The following FAM163B variants were observed in gnomAD, a reference collection of about 807,000 sequenced individuals.
The protein encoded by FAM163B is family with sequence similarity 163 member B, also known as protein FAM163B.
FAM163B carries 4 observed loss-of-function variants against 7.6 expected under a neutral mutation model. The observed-to-expected ratio is 0.52, with a 90% CI of 0.26 to 1.20. The LOEUF is 1.20. Among genes scored for constraint, FAM163B ranks in the 50% most tolerant of loss-of-function variants. The probability of loss-of-function intolerance (pLI) is 0.14; values close to 1 mark genes in which losing one functional copy is unlikely to be tolerated. For synonymous variants in FAM163B, 120 were observed against 111.6 expected (o/e 1.07, Z -0.47); for missense variants, 250 against 243.0 (o/e 1.03, Z -0.19).
intron 1 of FAM163B, among the ~76,000 whole-genome samples, chr9:133,597,856 G>C (rs1247421468): frequency 6.6e-6 from 1 of 152,004 alleles, no homozygotes; most frequent in Non-Finnish European, 1.5e-5. Flanking sequence ...AAAAAAGAAG[G>C]CCGTCAACCT....
At chr9:133,580,372 G>T in intron 1 of FAM163B, 126 bp from the exon 2 acceptor site, 1 of 734,756 alleles carries the variant, frequency 1.4e-6, no homozygotes. Flanking sequence ...CCTGTGAGAG[G>T]CAGGGGCTCT....
chr9:133,598,387 T>C (rs1241533460), intron 1 of FAM163B, among the ~76,000 whole-genome samples: 1 of 149,122 alleles, frequency 6.7e-6, no homozygotes, highest in Non-Finnish European at 1.5e-5. Context: ...CACAGGAGTG[T>C]GAAACAAAAG....
intron 1 of FAM163B, among the ~76,000 whole-genome samples, chr9:133,592,744 A>C (rs997751029): frequency 2.0e-5 from 3 of 152,166 alleles, no homozygotes; most frequent in Non-Finnish European, 4.4e-5. Flanking sequence ...AGCTTGTTAA[A>C]ATGCAGAGTT....
chr9:133,592,301 A>C (rs1831564682), intron 1 of FAM163B, among the ~76,000 whole-genome samples: 1 of 152,148 alleles, frequency 6.6e-6, no homozygotes, highest in Non-Finnish European at 1.5e-5. Flanking sequence ...TCACGACTGC[A>C]ACTCCAGGGA....
chr9:133,579,434 G>A lies in FAM163B; in HGVS notation c.94-5C>T, dbSNP rs1053581104. ...GTCCTTCTTGCAGCAGTAGTACTGC[G>A]GGCAGAGGGACGGTGACCATGCGGC... On this transcript the variant is annotated splice_polypyrimidine_tract_variant and splice_region_variant and intron_variant, in intron 2 of 2. Coordinates refer to ENST00000673969, the MANE Select transcript of FAM163B (RefSeq NM_001080515.3). 157 of 1,587,728 alleles carry A rather than the reference G, an allele frequency of 9.9e-5. No individual in the cohort carries two copies. Among genetic ancestry groups the A allele is most frequent in the Middle Eastern group, 1.7e-4 (1 of 6,018 alleles).
chr9:133,589,887 T>TG (rs1046925009), intron 1 of FAM163B, among the ~76,000 whole-genome samples: 1 of 147,212 alleles, frequency 6.8e-6, no homozygotes, highest in African/African-American at 2.5e-5. Flanking sequence ...CTCCCAGCCG[T>TG]GGGTCAGGAA....
chr9:133,607,182 A>G (rs1831800531), intron 1 of FAM163B, among the ~76,000 whole-genome samples: 1 of 152,202 alleles, frequency 6.6e-6, no homozygotes, highest in Admixed American at 6.5e-5. Flanking sequence ...GTAATGGCTC[A>G]GAGGGGGGAC....
chr9:133,592,359 A>T (rs528212387), intron 1 of FAM163B, among the ~76,000 whole-genome samples: 3 of 152,124 alleles, frequency 2.0e-5, no homozygotes, highest in Non-Finnish European at 2.9e-5. Context: ...GGGAAAGTCA[A>T]CCTGAGCTCA....
In FAM163B at chr9:133,609,094, G is replaced by A. The variant is rs1358331592; in HGVS notation, c.-41C>T. Among the ~76,000 whole-genome samples, 1 of 152,166 alleles carries A rather than the reference G, an allele frequency of 6.6e-6. No homozygotes were observed. Among genetic ancestry groups the A allele is most frequent in the South Asian group, 2.1e-4 (1 of 4,832 alleles). The stretch of plus-strand genomic sequence containing the variant: ...GCCCTTACCTTGAAGCATGGGAACC[G>A]CGCTGCCCCGGCCGCGAGGACTTGG... On this transcript the variant is annotated 5_prime_UTR_variant, in exon 1 of 3. Transcript: ENST00000673969.
At chr9:133,582,126 C>T (rs1831364985) in intron 1 of FAM163B, among the ~76,000 whole-genome samples, 1 of 152,214 alleles carries the variant, frequency 6.6e-6, no homozygotes, top group South Asian at 2.1e-4. Context: ...AGCTGGTGCC[C>T]TGAGGTTTGT....
intron 1 of FAM163B, among the ~76,000 whole-genome samples, chr9:133,581,292 C>T (rs1831352016): frequency 6.6e-6 from 1 of 152,186 alleles, no homozygotes; most frequent in African/African-American, 2.4e-5. Flanking sequence ...TTACAAAATT[C>T]CTAAATTCTT....
intron 1 of FAM163B, among the ~76,000 whole-genome samples, chr9:133,583,644 T>G (rs1831388145): frequency 6.6e-6 from 1 of 152,166 alleles, no homozygotes; most frequent in Admixed American, 6.5e-5. Flanking sequence ...CTCTCAGGTC[T>G]GAGATGCAGC....
At chr9:133,586,124 G>C (rs772213417) in intron 1 of FAM163B, 1 of 152,214 alleles carries the variant, frequency 6.6e-6, no homozygotes, top group African/African-American at 2.4e-5. Flanking sequence ...GGAAGTGCTC[G>C]GCTGCCCTGT....
intron 1 of FAM163B, among the ~76,000 whole-genome samples, chr9:133,604,901 CG>C (rs1831771432): frequency 6.6e-6 from 1 of 152,224 alleles, no homozygotes; most frequent in African/African-American, 2.4e-5. Context: ...TCCAGAGACC[CG>C]GGACCTGCCA....
At chr9:133,584,603 C>T (rs1458572349) in intron 1 of FAM163B, among the ~76,000 whole-genome samples, 2 of 152,242 alleles carry the variant, frequency 1.3e-5, no homozygotes, top group Admixed American at 6.5e-5. Flanking sequence ...CCCAAGGATA[C>T]TTGTGCTCTG....
chr9:133,595,544 G>A (rs536682582), intron 1 of FAM163B, among the ~76,000 whole-genome samples: 3 of 152,270 alleles, frequency 2.0e-5, no homozygotes, highest in Admixed American at 1.3e-4. Flanking sequence ...GGCTTCTGGG[G>A]CATTGTGCTC....
chr9:133,597,752 C>T (rs1831652588), intron 1 of FAM163B, among the ~76,000 whole-genome samples: 1 of 152,074 alleles, frequency 6.6e-6, no homozygotes, highest in African/African-American at 2.4e-5. Context: ...GGCTGCATGA[C>T]CTACAAGGGC....
At chr9:133,607,044 G>A (rs536552734) in intron 1 of FAM163B, among the ~76,000 whole-genome samples, 2 of 152,312 alleles carry the variant, frequency 1.3e-5, no homozygotes, top group African/African-American at 2.4e-5. Context: ...CACGGACTGG[G>A]GGCTTGGACT....
At chr9:133,607,338 C>T (rs56057809) in intron 1 of FAM163B, among the ~76,000 whole-genome samples, 10,327 of 152,288 alleles carry the variant, frequency 0.068, 482 homozygotes, top group Non-Finnish European at 0.11. Flanking sequence ...TGCCCTTGCT[C>T]ATGTTTGCTG....
Sources: gnomAD v4.1 joint callset for allele counts (sites outside exome capture counted in the v4.1 genomes callset) on GRCh38, gnomAD v4.1.1 for gene constraint, MANE v1.5 for transcripts, NCBI Gene and HGNC (gene_info 2026-07-23, HGNC 2026-07-21) for gene names.